TMEM67: variants seen among roughly 807,000 people sequenced by gnomAD.
TMEM67 encodes the protein meckelin.
A neutral mutation model predicts 136.6 loss-of-function variants in TMEM67; 124 were observed. The observed-to-expected ratio is 0.91, with a 90% CI of 0.78 to 1.05. TMEM67 has a LOEUF of 1.05. Ranked by LOEUF, TMEM67 falls within the 50% of genes least tolerant of loss-of-function variation. The pLI is 0.00. For missense variants in TMEM67, 1,107 were observed against 1,178.4 expected, an observed-to-expected ratio of 0.94 and a Z score of 0.89; for synonymous variants, 364 against 390.5, an observed-to-expected ratio of 0.93 and a Z score of 0.80.
At chr8:93,790,780 A>G (rs892449164) in intron 14 of TMEM67, among the ~76,000 whole-genome samples, 1 of 152,170 alleles carries the variant, frequency 6.6e-6, no homozygotes, top group Non-Finnish European at 1.5e-5. Context: ...TGACCATGGT[A>G]AGACTTAGGT....
intron 23 of TMEM67, among the ~76,000 whole-genome samples, chr8:93,807,696 T>G (rs1815216882): frequency 6.6e-6 from 1 of 152,064 alleles, no homozygotes. Context: ...AAAAAATTTT[T>G]TAAATAGAGA....
At chr8:93,826,253 C>T in the TMEM67 span, among the ~76,000 whole-genome samples, 1 of 150,990 alleles carries the variant, frequency 6.6e-6, no homozygotes, top group Non-Finnish European at 1.5e-5. Context: ...CCTCAGCCTC[C>T]CAAGTAGCTG....
At chr8:93,814,468 G>GTT (rs1244574950) in intron 26 of TMEM67, among the ~76,000 whole-genome samples, 3 of 80,704 alleles carry the variant, frequency 3.7e-5, no homozygotes, top group African/African-American at 1.4e-4. Flanking sequence ...GCTTTTTTTT[G>GTT]TTTTTTTTTA....
At chr8:93,761,126 G>A (rs1812810695) in intron 3 of TMEM67, among the ~76,000 whole-genome samples, 1 of 152,026 alleles carries the variant, frequency 6.6e-6, no homozygotes. Flanking sequence ...CCTGACGAAT[G>A]TAGTCGCTAT....
chr8:93,785,821 C>T (rs1244842637), intron 12 of TMEM67: 3 of 236,106 alleles, frequency 1.3e-5, no homozygotes, highest in East Asian at 1.1e-4. Context: ...CGCCTATAAT[C>T]GCAGCACTTT....
chr8:93,775,159 T>C (rs897188261), intron 7 of TMEM67, among the ~76,000 whole-genome samples: 2 of 152,258 alleles, frequency 1.3e-5, no homozygotes, highest in Non-Finnish European at 2.9e-5. Context: ...TGTCTTCTGT[T>C]GAGAAGTGTC....
At chr8:93,781,023 A>T (rs768061705) in intron 9 of TMEM67, 41 bp downstream of exon 9, 3 of 1,279,566 alleles carry the variant, frequency 2.3e-6, no homozygotes, top group South Asian at 2.4e-5. Flanking sequence ...CTACATTTTG[A>T]TTTATAATTT....
rs951492488 is a variant in TMEM67, at chr8:93,816,548, G to A, written c.*96G>A. Reference sequence around the variant, plus strand: ...TGCCATATTTTTTAAAACTTATAATGCAGACTATTCTGTTTTTGTTTTTTA... The same window carrying A: ...TGCCATATTTTTTAAAACTTATAATACAGACTATTCTGTTTTTGTTTTTTA... On this transcript the variant is annotated 3_prime_UTR_variant, in exon 28 of 28. Coordinates refer to ENST00000453321, the MANE Select transcript of TMEM67 (RefSeq NM_153704.6). The A allele has an allele frequency of 4.5e-6, 3 of 659,732 alleles. No homozygotes were observed. Among genetic ancestry groups the A allele is most frequent in the African/African-American group, 3.6e-5 (2 of 55,106 alleles). 40.9% of individuals were successfully genotyped at this position (659,732 alleles called of 1,614,324 possible).
At chr8:93,798,915 T>A (rs972974389) in intron 20 of TMEM67, among the ~76,000 whole-genome samples, 1 of 151,198 alleles carries the variant, frequency 6.6e-6, no homozygotes, top group African/African-American at 2.4e-5. Context: ...ATCTGTTACC[T>A]CACATCTTTT....
rs1259060125 is a variant in TMEM67 at position 93,817,807 on chromosome 8, T to C, written c.*1355T>C. The stretch of plus-strand genomic sequence containing the variant: ...ATCTTGAGGATGACTGAAAAGGAAG[T>C]CTTTGAAACTGCAGTTTCTGAAGGA... On this transcript the variant is annotated 3_prime_UTR_variant, in exon 28 of 28. Transcript: ENST00000453321. The C allele has an allele frequency of 6.6e-6, 1 of 152,154 alleles. No homozygotes were observed. Among genetic ancestry groups the C allele is most frequent in the African/African-American group, 2.4e-5 (1 of 41,432 alleles). 9.4% of individuals were successfully genotyped at this position (152,154 alleles called of 1,614,324 possible).
chr8:93,802,349 A>G (rs1213874497), intron 21 of TMEM67, among the ~76,000 whole-genome samples: 1 of 152,184 alleles, frequency 6.6e-6, no homozygotes, highest in Non-Finnish European at 1.5e-5. Flanking sequence ...ACTTAATTGC[A>G]TGGCCACACC....
intron 15 of TMEM67, among the ~76,000 whole-genome samples, chr8:93,792,355 G>C (rs561018667): frequency 1.8e-4 from 28 of 152,050 alleles, no homozygotes; most frequent in Admixed American, 3.3e-4. Flanking sequence ...AATATTTTTA[G>C]TAGAGACAGG....
Position 93,816,363 on chromosome 8 carries a change from AT to A in TMEM67, c.2908-5del. On this transcript the variant is annotated splice_region_variant and splice_polypyrimidine_tract_variant and intron_variant, in intron 27 of 27. Transcript: ENST00000453321. ...TTTCTTTTCATTCTGAATTGTTTTA[AT>A]TTTCCAGATTTTTAGATATATCCGT... 1 of 1,408,700 alleles carries A rather than the reference AT, an allele frequency of 7.1e-7. No homozygotes were observed. Among genetic ancestry groups the A allele is most frequent in the Non-Finnish European group, 9.9e-7 (1 of 1,008,052 alleles). The allele number at this position is 1,408,700 out of a possible 1,614,324, so 87.3% of individuals were successfully genotyped here.
At chr8:93,758,436 G>A (rs763335723) in intron 2 of TMEM67, 47 bp from the exon 3 acceptor site, 31 of 1,416,496 alleles carry the variant, frequency 2.2e-5, no homozygotes, top group Middle Eastern at 3.6e-4. Flanking sequence ...ATTAGAAGAA[G>A]AAAGTTAATT....
rs1813777299 is a variant in TMEM67, at chr8:93,780,655, T to C, written c.777T>C (p.Ser259=). The C allele has an allele frequency of 1.2e-6, 2 of 1,614,190 alleles. No individual in the cohort carries two copies. Among genetic ancestry groups the C allele is most frequent in the East Asian group, 2.2e-5 (1 of 44,884 alleles). ...ATATGTGTGTGATGAACATGAATTC[T>C]TACGACTTTGCCACATTTGATGCAT... The part of the protein sequence containing the change: ...LGNMCVMNMN[S]YDFATFDACG... The change falls in exon 8 of 28, where the codon TCT becomes TCC. Residue 259 remains serine (S), a synonymous_variant. Transcript: ENST00000453321.
intron 3 of TMEM67, 95 bp downstream of exon 3, chr8:93,758,671 AT>A: frequency 9.5e-7 from 1 of 1,057,042 alleles, no homozygotes. Flanking sequence ...TAGTTAAGTG[AT>A]TACTTAATAT....
chr8:93,823,854 GCTAGCTGAATGTCTTT>G (rs762446509), downstream of TMEM67, among the ~76,000 whole-genome samples: 8 of 143,838 alleles, frequency 5.6e-5, no homozygotes, highest in African/African-American at 1.0e-4. Flanking sequence ...TTTTTTTTTA[GCTAGCTGAATGTCTTT>G]CAATCCACTG....
At chr8:93,794,220 T>C (rs374165587) in intron 16 of TMEM67, among the ~76,000 whole-genome samples, 1 of 152,204 alleles carries the variant, frequency 6.6e-6, no homozygotes, top group African/African-American at 2.4e-5. Flanking sequence ...TCATCATATC[T>C]GAATATTTTT....
intron 4 of TMEM67, among the ~76,000 whole-genome samples, 166 bp downstream of exon 4, chr8:93,764,107 A>G (rs1004981497): frequency 3.3e-5 from 5 of 152,224 alleles, no homozygotes; most frequent in African/African-American, 1.2e-4. Context: ...AGAGCGTGAG[A>G]CACACTAGGG....
Sources: gnomAD v4.1 joint callset for allele counts (sites outside exome capture counted in the v4.1 genomes callset) on GRCh38, gnomAD v4.1.1 for gene constraint, MANE v1.5 for transcripts, NCBI Gene and HGNC (gene_info 2026-07-23, HGNC 2026-07-21) for gene names.